FAM193B: variants seen among roughly 807,000 people sequenced by gnomAD.
The protein encoded by FAM193B is protein FAM193B.
A neutral mutation model predicts 70.7 loss-of-function variants in FAM193B; 27 were observed. The ratio of observed to expected loss-of-function variants is 0.38; its 90% CI spans 0.28 to 0.53. The LOEUF (loss-of-function observed/expected upper bound fraction) is 0.53, where lower values mean the gene tolerates loss of function less well. FAM193B is among the 20% of genes least tolerant of loss of function. FAM193B has a pLI of 0.81. For synonymous variants in FAM193B, 448 were observed against 436.0 expected, an observed-to-expected ratio of 1.03 and a Z score of -0.34; for missense variants, 1,022 against 1,072.5, an observed-to-expected ratio of 0.95 and a Z score of 0.66.
In FAM193B at chr5:177,539,027, G is replaced by A. The variant is rs970766637; in HGVS notation, c.331C>T (p.Pro111Ser). The A allele has an allele frequency of 3.7e-6, 6 of 1,613,896 alleles. No individual in the cohort carries two copies. Among genetic ancestry groups the A allele is most frequent in the Admixed American group, 1.7e-5 (1 of 60,000 alleles). Residue 111 changes from proline to serine, a missense_variant, in exon 2 of 9, where the codon CCT becomes TCT. Pro to Ser is a moderately conservative substitution (Grantham distance 74, BLOSUM62 -1). Transcript: ENST00000514747. ...TTGACGAGCTTTGGCATGAAGTCAG[G>A]GGGCAGCTTCTCACCCTGCAACACC... ...GLVLQGEKLPPDFMPKLVKNL... is the reference protein window; with the variant it reads ...GLVLQGEKLPSDFMPKLVKNL...
intron 5 of FAM193B, among the ~76,000 whole-genome samples, chr5:177,529,566 C>T (rs764961766): frequency 1.1e-4 from 16 of 152,056 alleles, no homozygotes; most frequent in Non-Finnish European, 2.1e-4. Context: ...GTGAGCAGAG[C>T]CTCCAGATAT....
At chr5:177,543,278 GC>G (rs1765062045) in intron 1 of FAM193B, among the ~76,000 whole-genome samples, 1 of 152,190 alleles carries the variant, frequency 6.6e-6, no homozygotes, top group Non-Finnish European at 1.5e-5. Context: ...AATTGAAGCT[GC>G]CCACAGAACT....
intron 1 of FAM193B, among the ~76,000 whole-genome samples, chr5:177,540,081 C>T (rs892776890): frequency 4.0e-5 from 6 of 151,790 alleles, no homozygotes; most frequent in African/African-American, 1.5e-4. Context: ...TCCAGGTGGG[C>T]GGATCACGAG....
In FAM193B at chr5:177,537,899, G is replaced by A. The variant is rs753895102; in HGVS notation, c.662C>T (p.Ser221Phe). 22 of 1,606,890 alleles carry A rather than the reference G, an allele frequency of 1.4e-5. No homozygotes were observed. The highest frequency in any genetic ancestry group is 1.9e-5 in the Non-Finnish European group (22 of 1,176,772). The change falls in exon 3 of 9, where the codon TCT (serine) becomes TTT (phenylalanine). Residue 221 changes from serine (S) to phenylalanine (F), a missense_variant. Coordinates refer to ENST00000514747, the MANE Select transcript of FAM193B (RefSeq NM_001190946.3). ...PHSSGAMPGS[S>F]LGSPPTIPGE... is the part of the protein sequence containing the mutation. Reference sequence around the variant, plus strand: ...GGGGATGGTAGGAGGACTCCCAAGAGAGCTGCCTGGCATGGCCCCACTGGA... The same window carrying A: ...GGGGATGGTAGGAGGACTCCCAAGAAAGCTGCCTGGCATGGCCCCACTGGA...
intron 1 of FAM193B, chr5:177,553,408 G>A: frequency 9.7e-7 from 1 of 1,035,844 alleles, no homozygotes; most frequent in South Asian, 2.9e-5. Context: ...CAAGCTTAGG[G>A]AGAGCCACCC....
chr5:177,534,427 G>C (rs1352549181), intron 4 of FAM193B, among the ~76,000 whole-genome samples: 1 of 151,364 alleles, frequency 6.6e-6, no homozygotes, highest in African/African-American at 2.4e-5. Flanking sequence ...CTCCTGAGTA[G>C]CTGGGACTAC....
chr5:177,532,207 A>G lies in FAM193B; in HGVS notation c.1275+236T>C. ...CCATTTCCTTTCCTTTTGCCTAAGG[A>G]AAAAAAGTCAATCTTAAGAGAAACC... On this transcript the variant is annotated intron_variant, in intron 5 of 8. Transcript: ENST00000514747. This position sits in a 1 kb window ranked among gnomAD's most constrained non-coding sequence, Gnocchi z 4.9. The G allele has an allele frequency of 6.7e-7, 1 of 1,498,222 alleles. No individual in the cohort carries two copies. 92.8% of individuals were successfully genotyped at this position (1,498,222 alleles called of 1,614,324 possible).
chr5:177,525,180 G>T lies in FAM193B; in HGVS notation c.1301C>A (p.Ala434Glu). 6.8e-7 allele frequency: 1 copy of T among 1,474,606 alleles called. No individual in the cohort carries two copies. The allele number at this position is 1,474,606 out of a possible 1,614,324, so 91.3% of individuals were successfully genotyped here. The change falls in exon 6 of 9, where the codon GCA becomes GAA. Residue 434 changes from alanine to glutamate, a missense_variant. Transcript: ENST00000514747. The stretch of plus-strand genomic sequence containing the variant: ...ACGATTTGCCTGCTTTAGAGCTTCT[G>T]CTGCCAACTGGGCCTTCTCCTTTTC... ...NAEKEKAQLA[A>E]EALKQANRVS...
chr5:177,525,189 TG>T lies in FAM193B; in HGVS notation c.1291del (p.Gln431SerfsTer7). 1.4e-6 allele frequency: 2 copies of T among 1,463,574 alleles called. No individual in the cohort carries two copies. The highest frequency in any genetic ancestry group is 1.8e-6 in the Non-Finnish European group (2 of 1,104,184). The allele number at this position is 1,463,574 out of a possible 1,614,324, so 90.7% of individuals were successfully genotyped here. A position where few individuals can be genotyped will look rare whatever the true frequency, so the allele number is the denominator to read the frequency against. ...FGHNAEKEKA[Q>X]LAAEALKQAN... ...CTGCTTTAGAGCTTCTGCTGCCAAC[TG>T]GGCCTTCTCCTTTTCCTGCCAAGGC... On this transcript the variant is annotated frameshift_variant, in exon 6 of 9. Transcript: ENST00000514747. LOFTEE classifies it high-confidence loss of function.
intron 1 of FAM193B, chr5:177,553,076 G>C (rs1766504650): frequency 1.6e-6 from 1 of 623,742 alleles, no homozygotes; most frequent in East Asian, 1.4e-4. Context: ...GGGAGGCACA[G>C]AGGGCTGTGG....
intron 1 of FAM193B, among the ~76,000 whole-genome samples, chr5:177,547,910 TG>T (rs1327604854): frequency 1.3e-5 from 2 of 152,160 alleles, no homozygotes; most frequent in Admixed American, 1.3e-4. Context: ...GCTGCTGTGC[TG>T]GGAGCCACCC....
chr5:177,532,317 A>G lies in FAM193B; in HGVS notation c.1275+126T>C. On this transcript the variant is annotated intron_variant, in intron 5 of 8. Coordinates refer to ENST00000514747, the MANE Select transcript of FAM193B (RefSeq NM_001190946.3). This position sits in a 1 kb window ranked among gnomAD's most constrained non-coding sequence, Gnocchi z 4.9. ...GGATCAAGCGAGCAGACGCAGGTGC[A>G]AGGACTCACGGCCCCAGCACGGTAA... 2.0e-6 allele frequency: 3 copies of G among 1,488,282 alleles called. No individual in the cohort carries two copies. Among genetic ancestry groups the G allele is most frequent in the Non-Finnish European group, 2.7e-6 (3 of 1,118,258 alleles). The allele number at this position is 1,488,282 out of a possible 1,614,324, so 92.2% of individuals were successfully genotyped here. A position where few individuals can be genotyped will look rare whatever the true frequency, so the allele number is the denominator to read the frequency against.
At chr5:177,543,789 G>A (rs751047103) in intron 1 of FAM193B, among the ~76,000 whole-genome samples, 1 of 152,180 alleles carries the variant, frequency 6.6e-6, no homozygotes, top group Non-Finnish European at 1.5e-5. Context: ...GACCCCTTAT[G>A]CCCTGAAAAG....
intron 4 of FAM193B, among the ~76,000 whole-genome samples, chr5:177,535,501 C>T (rs1257729549): frequency 6.6e-6 from 1 of 152,200 alleles, no homozygotes; most frequent in Admixed American, 6.5e-5. Context: ...TTTCTTAGTA[C>T]TTAAGAGTTA....
At chr5:177,522,279 G>A (rs1761872404) in intron 7 of FAM193B, 1 of 514,692 alleles carries the variant, frequency 1.9e-6, no homozygotes, top group African/African-American at 1.9e-5. Flanking sequence ...TATGAAGACA[G>A]TGAAACTGCC....
intron 3 of FAM193B, among the ~76,000 whole-genome samples, chr5:177,537,221 C>G (rs979518243): frequency 2.6e-5 from 4 of 152,160 alleles, no homozygotes; most frequent in African/African-American, 9.7e-5. Flanking sequence ...GCTTATGTAC[C>G]AAAATTAATG....
At chr5:177,553,581 C>T (rs1208433278) in intron 1 of FAM193B, 2 of 1,174,566 alleles carry the variant, frequency 1.7e-6, no homozygotes, top group African/African-American at 1.6e-5. Context: ...CTACTGTTCG[C>T]TCTCAGCAGG....
At position 177,539,146 on chromosome 5, in the gene FAM193B, A is replaced by T; in HGVS notation, c.212T>A (p.Val71Asp). Reference sequence around the variant, plus strand: ...CACAGGCTGGCTGGAGGCGGGGGGGACCTGTCCAACAGACAGAAACAGGGT... The same window carrying T: ...CACAGGCTGGCTGGAGGCGGGGGGGTCCTGTCCAACAGACAGAAACAGGGT... ...DEPNLVPGPQ[V>D]PPASSQPVQT... The change falls in exon 2 of 9, where the codon GTC (valine) becomes GAC (aspartate). Residue 71 changes from valine (V) to aspartate (D), a missense_variant and splice_region_variant. Coordinates refer to ENST00000514747, the MANE Select transcript of FAM193B (RefSeq NM_001190946.3). 6.4e-7 allele frequency: 1 copy of T among 1,559,396 alleles called. No individual in the cohort carries two copies. Among genetic ancestry groups the T allele is most frequent in the East Asian group, 2.4e-5 (1 of 42,142 alleles).
At chr5:177,552,012 A>G in intron 1 of FAM193B, 1 of 985,316 alleles carries the variant, frequency 1.0e-6, no homozygotes, top group Non-Finnish European at 1.2e-6. Flanking sequence ...GTTTAAAAAA[A>G]AATGCCTTGT....
Sources: allele counts gnomAD v4.1 joint callset (sites outside exome capture counted in the v4.1 genomes callset), GRCh38; gene constraint gnomAD v4.1.1; non-coding constraint Gnocchi (gnomAD v3.1); transcripts MANE v1.5; gene names NCBI Gene and HGNC (gene_info 2026-07-23, HGNC 2026-07-21).